Variants in TRAPPC9 observed in about 807,000 individuals in gnomAD.
TRAPPC9 encodes IKK2 binding protein.
A neutral mutation model predicts 124.0 loss-of-function variants in TRAPPC9; 83 were observed. The ratio of observed to expected loss-of-function variants is 0.67; its 90% CI spans 0.56 to 0.80. The LOEUF is 0.80. TRAPPC9 is among the 30% of genes least tolerant of loss of function. TRAPPC9 has a pLI of 0.00. For synonymous variants in TRAPPC9, 638 were observed against 617.5 expected (o/e 1.03, Z -0.49); for missense variants, 1,302 against 1,508.3 (o/e 0.86, Z 2.27).
chr8:140,151,498 T>G (rs2061542876), intron 17 of TRAPPC9, among the ~76,000 whole-genome samples: 1 of 152,158 alleles, frequency 6.6e-6, no homozygotes, highest in African/African-American at 2.4e-5. Context: ...CTCCTTGGCT[T>G]GCAGACGGCA....
chr8:140,272,382 TG>T (rs2064967891), intron 15 of TRAPPC9, among the ~76,000 whole-genome samples: 5 of 106,366 alleles, frequency 4.7e-5, no homozygotes, highest in African/African-American at 1.0e-4. Context: ...GTGGTGGTGA[TG>T]ATGGTGATGG....
In TRAPPC9 at chr8:140,377,223, T is replaced by C. The variant is rs564569356; in HGVS notation, c.1135-6043A>G. Among the ~76,000 whole-genome samples, 38 of 152,376 alleles carry C rather than the reference T, an allele frequency of 2.5e-4. No individual in the cohort carries two copies. In the South Asian group the frequency reaches 5.0e-3, roughly 20 times the overall value. ...TGAGCAAGCGAGTTCATGTGTACTT[T>C]AAAGATGATTTGAACTCTGACTACA... is the stretch of plus-strand genomic sequence containing the variant. On this transcript the variant is annotated intron_variant, in intron 7 of 22. Transcript: ENST00000438773.
chr8:140,050,400 T>A (rs1841913588), intron 17 of TRAPPC9, among the ~76,000 whole-genome samples: 2 of 152,182 alleles, frequency 1.3e-5, no homozygotes, highest in South Asian at 4.1e-4. Flanking sequence ...CTCATGCGGT[T>A]CTCACAACAA....
intron 11 of TRAPPC9, among the ~76,000 whole-genome samples, chr8:140,292,276 T>C (rs903092588): frequency 1.3e-5 from 2 of 152,078 alleles, no homozygotes; most frequent in Non-Finnish European, 2.9e-5. Context: ...CCTCCTGAGA[T>C]AGGTATGATA....
chr8:140,290,023 T>C (rs573954481), intron 12 of TRAPPC9, among the ~76,000 whole-genome samples: 220 of 152,202 alleles, frequency 1.4e-3, no homozygotes, highest in Admixed American at 3.9e-3. Flanking sequence ...AGCCAGGCTG[T>C]CACATCTGTC....
At chr8:140,198,351 A>C (rs2062713976) in intron 17 of TRAPPC9, among the ~76,000 whole-genome samples, 1 of 152,158 alleles carries the variant, frequency 6.6e-6, no homozygotes, top group Non-Finnish European at 1.5e-5. Context: ...GATGGAGGCT[A>C]CAAGATTCTG....
intron 16 of TRAPPC9, among the ~76,000 whole-genome samples, chr8:140,232,782 G>T (rs1244082055): frequency 6.6e-6 from 1 of 152,168 alleles, no homozygotes; most frequent in Non-Finnish European, 1.5e-5. Context: ...GAAAGCCACA[G>T]AAATAGCTCA....
chr8:140,272,325 T>A (rs1380436328), intron 15 of TRAPPC9, among the ~76,000 whole-genome samples: 11 of 145,642 alleles, frequency 7.6e-5, no homozygotes, highest in Admixed American at 6.8e-4. Context: ...GTTATAGTGG[T>A]GATGGTGGTT....
intron 17 of TRAPPC9, among the ~76,000 whole-genome samples, chr8:140,218,198 C>A (rs376480085): frequency 5.9e-5 from 9 of 152,088 alleles, no homozygotes; most frequent in African/African-American, 2.2e-4. Context: ...GAATAAACAC[C>A]TAAGATGTTA....
At chr8:139,963,749 C>CAAAAAAAAAAAAAAAAAAA (rs58224556) in intron 19 of TRAPPC9, among the ~76,000 whole-genome samples, 1 of 107,372 alleles carries the variant, frequency 9.3e-6, no homozygotes. Context: ...CCAGTTCTAC[C>CAAAAAAAAAAAAAAAAAAA]AAAAAAAAAA....
At chr8:139,766,189 C>T (rs1820573248) in intron 21 of TRAPPC9, among the ~76,000 whole-genome samples, 1 of 152,244 alleles carries the variant, frequency 6.6e-6, no homozygotes, top group South Asian at 2.1e-4. Context: ...CCTCAGGCTC[C>T]CTCACCAGCT....
intron 9 of TRAPPC9, 132 bp from the exon 10 acceptor site, chr8:140,311,506 CA>C (rs1348019956): frequency 9.7e-7 from 1 of 1,031,430 alleles, no homozygotes; most frequent in Non-Finnish European, 1.4e-6. Context: ...GGGCAGTGAG[CA>C]AAAGAGACCA....
intron 4 of TRAPPC9, among the ~76,000 whole-genome samples, chr8:140,427,370 A>C (rs116150721): frequency 0.032 from 4,697 of 145,064 alleles, 153 homozygotes; most frequent in African/African-American, 0.083. Flanking sequence ...CTATATATAT[A>C]TCTCTCTCTC....
In TRAPPC9 at chr8:140,353,917, C is replaced by G. The variant is rs1250510866; in HGVS notation, c.1495+6133G>C. ...GTGGGCAAACAGACCAACACCTCCA[C>G]AGCCCAGCATGCTGGAAGCTCTGAC... is the stretch of plus-strand genomic sequence containing the variant. On this transcript the variant is annotated intron_variant, in intron 9 of 22. Transcript: ENST00000438773. This position sits in a 1 kb window ranked among gnomAD's most constrained non-coding sequence, Gnocchi z 4.2. Among the ~76,000 whole-genome samples the G allele has an allele frequency of 6.6e-6, 1 of 152,212 alleles. No individual in the cohort carries two copies. The highest frequency in any genetic ancestry group is 6.5e-5 in the Admixed American group (1 of 15,288).
chr8:140,140,385 G>A (rs1348058893), intron 17 of TRAPPC9, among the ~76,000 whole-genome samples: 4 of 152,002 alleles, frequency 2.6e-5, no homozygotes, highest in African/African-American at 9.7e-5. Context: ...AGAAACTTCT[G>A]TTTTCCTACT....
At chr8:140,129,600 G>T (rs1181992170) in intron 17 of TRAPPC9, among the ~76,000 whole-genome samples, 1 of 152,208 alleles carries the variant, frequency 6.6e-6, no homozygotes, top group Non-Finnish European at 1.5e-5. Flanking sequence ...GAGGCGATGG[G>T]AGACTGGGTA....
At chr8:140,329,089 C>G (rs545908148) in intron 9 of TRAPPC9, among the ~76,000 whole-genome samples, 1 of 152,206 alleles carries the variant, frequency 6.6e-6, no homozygotes, top group East Asian at 1.9e-4. Context: ...GCACCATGAA[C>G]ATCAGCAGAG....
intron 14 of TRAPPC9, among the ~76,000 whole-genome samples, chr8:140,278,107 C>T (rs932175005): frequency 1.4e-4 from 18 of 131,000 alleles, no homozygotes; most frequent in Non-Finnish European, 3.0e-4. Flanking sequence ...AAGACAGGGA[C>T]AAATTTTTTT....
At chr8:139,755,529 C>T (rs1479419623) in intron 21 of TRAPPC9, among the ~76,000 whole-genome samples, 2 of 138,696 alleles carry the variant, frequency 1.4e-5, no homozygotes, top group Non-Finnish European at 3.1e-5. Context: ...CAGGAGGAGC[C>T]AGGGTTTGGG....
Sources: gnomAD v4.1 joint callset for allele counts (sites outside exome capture counted in the v4.1 genomes callset) on GRCh38, gnomAD v4.1.1 for gene constraint, Gnocchi (gnomAD v3.1) non-coding constraint, MANE v1.5 for transcripts, NCBI Gene and HGNC (gene_info 2026-07-23, HGNC 2026-07-21) for gene names.